ENTPD1: variants seen among roughly 807,000 people sequenced by gnomAD.
The protein encoded by ENTPD1 is ectonucleoside triphosphate diphosphohydrolase 1.
A neutral mutation model predicts 57.0 loss-of-function variants in ENTPD1; 33 were observed. That is an observed-to-expected ratio of 0.58 (90% CI 0.44 to 0.77). The LOEUF is 0.77. ENTPD1 is among the 30% of genes least tolerant of loss of function. The pLI is 0.00. For missense variants in ENTPD1, 501 were observed against 603.4 expected, an observed-to-expected ratio of 0.83 and a Z score of 1.78; for synonymous variants, 202 against 218.8, an observed-to-expected ratio of 0.92 and a Z score of 0.68.
At chr10:95,856,890 T>C (rs905870565) in intron 7 of ENTPD1, among the ~76,000 whole-genome samples, 1 of 151,630 alleles carries the variant, frequency 6.6e-6, no homozygotes, top group Non-Finnish European at 1.5e-5. Context: ...TACATATCTA[T>C]TTGCTATAGA....
Position 95,868,050 on chromosome 10 carries a change from G to A in ENTPD1, c.*1667G>A. 6.1e-6 allele frequency: 6 copies of A among 985,346 alleles called. No individual in the cohort carries two copies. The highest frequency in any genetic ancestry group is 7.2e-6 in the Non-Finnish European group (6 of 829,828). 61.0% of individuals were successfully genotyped at this position (985,346 alleles called of 1,614,324 possible). ...CATCGCTGCTGTTGGTTGAGCATTT[G>A]TGGTGTACCACGCTGTGTGCTCAAG... On this transcript the variant is annotated 3_prime_UTR_variant, in exon 10 of 10. Transcript: ENST00000371205.
At chr10:95,782,365 C>T (rs898222613) in intron 1 of ENTPD1, among the ~76,000 whole-genome samples, 3 of 152,016 alleles carry the variant, frequency 2.0e-5, no homozygotes, top group Admixed American at 6.6e-5. Flanking sequence ...TGTATCACAT[C>T]TGAAGTGAGA....
chr10:95,811,805 T>C (rs2098309385), intron 1 of ENTPD1, among the ~76,000 whole-genome samples: 1 of 152,370 alleles, frequency 6.6e-6, no homozygotes. Context: ...GTAGAATTTA[T>C]ATATCCAGAC....
Position 95,793,279 on chromosome 10 carries a change from C to T in ENTPD1, c.17-29958C>T, listed in dbSNP as rs114956538. Among the ~76,000 whole-genome samples the T allele has an allele frequency of 6.5e-3, 987 of 152,250 alleles. 5 individuals carry two copies. Among genetic ancestry groups the T allele is most frequent in the African/African-American group, 0.022 (921 of 41,534 alleles). On this transcript the variant is annotated intron_variant, in intron 1 of 9. Coordinates refer to ENST00000371205, the MANE Select transcript of ENTPD1 (RefSeq NM_001776.6). ...TAAGGAATAGACGGGAGGCATGCTGCCCCTACATAATCTCTTCCTTATAAA... is the reference window on the plus strand; with the variant it reads ...TAAGGAATAGACGGGAGGCATGCTGTCCCTACATAATCTCTTCCTTATAAA...
intron 1 of ENTPD1, among the ~76,000 whole-genome samples, chr10:95,780,386 A>C (rs769853377): frequency 6.6e-6 from 1 of 152,248 alleles, no homozygotes; most frequent in Admixed American, 6.5e-5. Flanking sequence ...CTATGATTCA[A>C]ATCACTGCAC....
chr10:95,776,121 G>T lies in ENTPD1; in HGVS notation c.16+19866G>T, dbSNP rs2098133023. Among the ~76,000 whole-genome samples, 4 of 152,272 alleles carry T rather than the reference G, an allele frequency of 2.6e-5. No individual in the cohort carries two copies. The South Asian group carries it at 8.3e-4, about 32-fold the overall frequency. ...TGCCAGTCTGTGTCTTTTAATTGGAGCATTTAGCCCATTTACATTTAAGGT... is the reference window on the plus strand; with the variant it reads ...TGCCAGTCTGTGTCTTTTAATTGGATCATTTAGCCCATTTACATTTAAGGT... On this transcript the variant is annotated intron_variant, in intron 1 of 9. Transcript: ENST00000371205.
chr10:95,860,712 G>A, intron 8 of ENTPD1, 130 bp downstream of exon 8: 1 of 741,006 alleles, frequency 1.3e-6, no homozygotes, highest in Non-Finnish European at 2.4e-6. Flanking sequence ...GAGAAGACCA[G>A]ATGGTGGACT....
intron 1 of ENTPD1, among the ~76,000 whole-genome samples, chr10:95,815,153 T>A (rs1025599617): frequency 2.0e-4 from 31 of 152,318 alleles, no homozygotes; most frequent in African/African-American, 7.0e-4. Flanking sequence ...TGGGGTAGAA[T>A]AAGACCTTTC....
chr10:95,859,604 G>A (rs1053866766), intron 7 of ENTPD1, among the ~76,000 whole-genome samples: 2 of 152,242 alleles, frequency 1.3e-5, no homozygotes, highest in African/African-American at 4.8e-5. Flanking sequence ...ACCTTTTTGG[G>A]TAGGAAAGAG....
chr10:95,747,337 C>T (rs2098007150), intron 1 of ENTPD1, among the ~76,000 whole-genome samples: 1 of 152,128 alleles, frequency 6.6e-6, no homozygotes, highest in South Asian at 2.1e-4. Flanking sequence ...AATACATAAA[C>T]ACAGGCATTC....
rs1339166780 is a variant in ENTPD1, at chr10:95,868,394, C to A, written c.*2011C>A. Reference sequence around the variant, plus strand: ...AATTTAATATCATTCTGTTCATGTGCTTTGGATGGAAGCACATCTGGCATA... The same window carrying A: ...AATTTAATATCATTCTGTTCATGTGATTTGGATGGAAGCACATCTGGCATA... On this transcript the variant is annotated 3_prime_UTR_variant, in exon 10 of 10. Transcript: ENST00000371205. 3.0e-6 allele frequency: 3 copies of A among 985,294 alleles called. No individual in the cohort carries two copies. The African/African-American group carries it at 5.2e-5, about 17-fold the overall frequency. The allele number at this position is 985,294 out of a possible 1,614,324, so 61.0% of individuals were successfully genotyped here. A position where few individuals can be genotyped will look rare whatever the true frequency, so the allele number is the denominator to read the frequency against.
In ENTPD1 at chr10:95,872,326, G is replaced by A. The variant is rs951902175; in HGVS notation, c.*5943G>A. ...TCAAGGCTTTCAATGATCCATGGCC[G>A]CCAGCTCTCTCCAGGCTCATATCCC... On this transcript the variant is annotated 3_prime_UTR_variant, in exon 10 of 10. Coordinates refer to ENST00000371205, the MANE Select transcript of ENTPD1 (RefSeq NM_001776.6). The A allele has an allele frequency of 5.1e-6, 5 of 985,224 alleles. No individual in the cohort carries two copies. In the South Asian group the frequency reaches 1.4e-4, roughly 28 times the overall value. 61.0% of individuals were successfully genotyped at this position (985,224 alleles called of 1,614,324 possible).
chr10:95,783,680 A>G (rs965253493), intron 1 of ENTPD1, among the ~76,000 whole-genome samples: 1 of 151,690 alleles, frequency 6.6e-6, no homozygotes, highest in South Asian at 2.1e-4. Flanking sequence ...GCTAAGTAGC[A>G]TTAGGCCTGC....
intron 1 of ENTPD1, among the ~76,000 whole-genome samples, chr10:95,736,432 T>C (rs1353105885): frequency 1.3e-5 from 2 of 152,198 alleles, no homozygotes; most frequent in Non-Finnish European, 2.9e-5. Context: ...TTAAAATGTT[T>C]AATATTTAAT....
intron 7 of ENTPD1, among the ~76,000 whole-genome samples, chr10:95,850,332 G>C (rs2098442760): frequency 6.6e-6 from 1 of 152,172 alleles, no homozygotes; most frequent in South Asian, 2.1e-4. Context: ...TTCTGCTTCA[G>C]ATTTTTGATG....
At chr10:95,824,596 T>C (rs1296716500) in intron 2 of ENTPD1, among the ~76,000 whole-genome samples, 1 of 152,270 alleles carries the variant, frequency 6.6e-6, no homozygotes, top group Admixed American at 6.5e-5. Flanking sequence ...CATGACATCT[T>C]GGTTCCATTA....
chr10:95,695,667 T>C, the ENTPD1 span, among the ~76,000 whole-genome samples: 1 of 152,210 alleles, frequency 6.6e-6, no homozygotes, highest in Non-Finnish European at 1.5e-5. Context: ...GTAATTTCTA[T>C]AGGAAAAGGC....
the ENTPD1 span, among the ~76,000 whole-genome samples, chr10:95,705,918 T>A: frequency 6.6e-6 from 1 of 152,206 alleles, no homozygotes; most frequent in East Asian, 1.9e-4. Context: ...GGCGATGTAG[T>A]GAGACCTCGT....
In ENTPD1 at chr10:95,870,107, A is replaced by G. The variant is rs2098478793; in HGVS notation, c.*3724A>G. 2.0e-6 allele frequency: 2 copies of G among 985,324 alleles called. No individual in the cohort carries two copies. The highest frequency in any genetic ancestry group is 2.4e-6 in the Non-Finnish European group (2 of 829,938). The allele number at this position is 985,324 out of a possible 1,614,324, so 61.0% of individuals were successfully genotyped here. A position where few individuals can be genotyped will look rare whatever the true frequency, so the allele number is the denominator to read the frequency against. ...GACATTATTCCTAAAAAAGCTTTTG[A>G]GATCCTAGGTTGTATTCCTCAGGTT... On this transcript the variant is annotated 3_prime_UTR_variant, in exon 10 of 10. Coordinates refer to ENST00000371205, the MANE Select transcript of ENTPD1 (RefSeq NM_001776.6).
Sources: allele counts gnomAD v4.1 joint callset (sites outside exome capture counted in the v4.1 genomes callset), GRCh38; gene constraint gnomAD v4.1.1; transcripts MANE v1.5; gene names NCBI Gene and HGNC (gene_info 2026-07-23, HGNC 2026-07-21).